UNC79: variants seen among roughly 807,000 people sequenced by gnomAD.
UNC79 encodes protein unc-79 homolog.
In UNC79, 37 loss-of-function variants were observed where a neutral mutation model predicts 283.1. That is an observed-to-expected ratio of 0.13 (90% CI 0.10 to 0.17). UNC79 has a LOEUF of 0.17. UNC79 is among the 10% of genes least tolerant of loss of function. UNC79 has a pLI of 1.00. For synonymous variants in UNC79, 1,107 were observed against 1,200.2 expected (o/e 0.92, Z 1.61); for missense variants, 2,272 against 3,211.1 (o/e 0.71, Z 7.07).
rs962729095 is a variant in UNC79, at chr14:93,505,311, A to G, written c.898+8025A>G. ...TCTATTCCTCTTTGTAGTTCTGTCA[A>G]TGTTTGTTTTATATATTTTCAGGCT... On this transcript the variant is annotated intron_variant, in intron 7 of 48. Coordinates refer to ENST00000555664, the Ensembl canonical transcript of UNC79. Among the ~76,000 whole-genome samples, 10 of 152,098 alleles carry G rather than the reference A, an allele frequency of 6.6e-5. No individual in the cohort carries two copies. The East Asian group carries it at 1.3e-3, about 21-fold the overall frequency.
At chr14:93,354,423 T>C (rs1270213284) in intron 1 of UNC79, among the ~76,000 whole-genome samples, 1 of 152,252 alleles carries the variant, frequency 6.6e-6, no homozygotes, top group Non-Finnish European at 1.5e-5. Flanking sequence ...TAGCTTGGGA[T>C]GCTCAAGTGG....
At chr14:93,408,733 A>G (rs969849174) in intron 1 of UNC79, among the ~76,000 whole-genome samples, 14 of 152,198 alleles carry the variant, frequency 9.2e-5, no homozygotes, top group African/African-American at 3.4e-4. Context: ...TACCATATCA[A>G]TACTGGTTCA....
At chr14:93,633,219 T>C (rs2068183102) in intron 31 of UNC79, among the ~76,000 whole-genome samples, 1 of 152,178 alleles carries the variant, frequency 6.6e-6, no homozygotes, top group Non-Finnish European at 1.5e-5. Context: ...CAGAGATGTT[T>C]AGTATTAGGT....
At position 93,697,828 on chromosome 14, in the gene UNC79, G is replaced by A. The variant is rs533824047; in HGVS notation, c.7548+3416G>A. The stretch of plus-strand genomic sequence containing the variant: ...AGTTCTAGCTACTTGGGAGGCTGAG[G>A]TAGAGCACAATGATTTGAGACTTTT... On this transcript the variant is annotated intron_variant, in intron 47 of 48. Transcript: ENST00000555664. Among the ~76,000 whole-genome samples the A allele has an allele frequency of 8.5e-5, 13 of 152,312 alleles. 1 individual carries two copies. Among genetic ancestry groups the A allele is most frequent in the Admixed American group, 5.9e-4 (9 of 15,306 alleles).
rs112121522 is a variant in UNC79 at position 93,673,204 on chromosome 14, T to G, written c.6637-147T>G. On this transcript the variant is annotated intron_variant, in intron 40 of 48. Transcript: ENST00000555664. ...CAAAAATGCCTTTTTTTTGTTCTAA[T>G]TTTATTTCTTGAGGACACTTCACTA... The G allele has an allele frequency of 3.5e-4, 229 of 646,956 alleles. No homozygotes were observed. In the African/African-American group the frequency reaches 4.0e-3, roughly 11 times the overall value. The allele number at this position is 646,956 out of a possible 1,614,324, so 40.1% of individuals were successfully genotyped here.
At chr14:93,657,242 G>T (rs1449694401) in intron 38 of UNC79, among the ~76,000 whole-genome samples, 1 of 152,146 alleles carries the variant, frequency 6.6e-6, no homozygotes, top group Non-Finnish European at 1.5e-5. Flanking sequence ...AGGAAACTGA[G>T]TGCACAAATT....
At chr14:93,522,436 G>A (rs1364604162) in intron 7 of UNC79, among the ~76,000 whole-genome samples, 1 of 152,058 alleles carries the variant, frequency 6.6e-6, no homozygotes, top group Non-Finnish European at 1.5e-5. Context: ...AAGGAATGCT[G>A]TAATGGATTA....
intron 1 of UNC79, among the ~76,000 whole-genome samples, chr14:93,337,408 A>T (rs1325350492): frequency 3.3e-5 from 5 of 152,200 alleles, no homozygotes; most frequent in African/African-American, 4.8e-5. Flanking sequence ...GAGTGAAAGG[A>T]GCTGTAACAC....
chr14:93,678,668 C>T (rs1276626487), intron 41 of UNC79, among the ~76,000 whole-genome samples: 1 of 152,254 alleles, frequency 6.6e-6, no homozygotes, highest in Non-Finnish European at 1.5e-5. Context: ...GGAGGCCTGG[C>T]ATCATGGGGA....
intron 1 of UNC79, among the ~76,000 whole-genome samples, chr14:93,399,679 C>G (rs900824310): frequency 6.6e-6 from 1 of 152,102 alleles, no homozygotes; most frequent in Non-Finnish European, 1.5e-5. Context: ...TTGATAGATA[C>G]AGAGATTTGG....
chr14:93,641,260 A>G lies in UNC79; in HGVS notation c.5903+13A>G. 1.9e-6 allele frequency: 3 copies of G among 1,606,248 alleles called. No homozygotes were observed. The East Asian group carries it at 6.7e-5, about 36-fold the overall frequency. ...TGATGACGGACAAGTAAGCTCGCAC[A>G]GTTATTTTCTTCACCATGTTTACAG... On this transcript the variant is annotated intron_variant, in intron 33 of 48. Coordinates refer to ENST00000555664, the Ensembl canonical transcript of UNC79.
intron 8 of UNC79, among the ~76,000 whole-genome samples, chr14:93,527,190 T>A (rs1257187027): frequency 6.6e-6 from 1 of 152,262 alleles, no homozygotes; most frequent in African/African-American, 2.4e-5. Flanking sequence ...GAAGCCCAGA[T>A]AATTATCTAA....
At chr14:93,370,381 C>G (rs767397635) in intron 1 of UNC79, among the ~76,000 whole-genome samples, 7 of 150,894 alleles carry the variant, frequency 4.6e-5, no homozygotes, top group Non-Finnish European at 1.0e-4. Flanking sequence ...AAAAAAAGTG[C>G]TAGGAATCAA....
intron 31 of UNC79, among the ~76,000 whole-genome samples, chr14:93,636,155 A>C (rs2068491476): frequency 6.6e-6 from 1 of 152,208 alleles, no homozygotes; most frequent in South Asian, 2.1e-4. Flanking sequence ...CCAAATTTTA[A>C]TCTAAGAAAA....
chr14:93,404,493 A>AAAAAAAAATATATATATATATATATATAT lies in UNC79; in HGVS notation c.-350-63177_-350-63176insAAAAAAATATATATATATATATATATATA. Among the ~76,000 whole-genome samples, 247 of 61,316 alleles carry AAAAAAAAATATATATATATATATATATAT rather than the reference A, an allele frequency of 4.0e-3. 2 individuals are homozygous for AAAAAAAAATATATATATATATATATATAT. Among genetic ancestry groups the AAAAAAAAATATATATATATATATATATAT allele is most frequent in the Middle Eastern group, 0.013 (1 of 80 alleles). 40.2% of individuals were successfully genotyped at this position (61,316 alleles called of 152,430 possible). A position where few individuals can be genotyped will look rare whatever the true frequency, so the allele number is the denominator to read the frequency against. On this transcript the variant is annotated intron_variant, in intron 1 of 49. Transcript: ENST00000256339. The stretch of plus-strand genomic sequence containing the variant: ...TGACAGAGTGAGACCTTCTAAAAAA[A>AAAAAAAAATATATATATATATATATATAT]ATATATATATATATATATATAAATA...
intron 1 of UNC79, among the ~76,000 whole-genome samples, chr14:93,351,236 G>C (rs1191453341): frequency 4.6e-5 from 7 of 152,132 alleles, no homozygotes. Flanking sequence ...TATATTCGTA[G>C]GTTTTTGATT....
chr14:93,407,223 C>T (rs1422485418), intron 1 of UNC79, among the ~76,000 whole-genome samples: 1 of 152,138 alleles, frequency 6.6e-6, no homozygotes, highest in African/African-American at 2.4e-5. Flanking sequence ...TTCTGAGGTT[C>T]TTGGTAGACA....
intron 39 of UNC79, among the ~76,000 whole-genome samples, chr14:93,662,308 G>A (rs1380093795): frequency 2.6e-5 from 4 of 152,170 alleles, no homozygotes; most frequent in African/African-American, 9.7e-5. Flanking sequence ...ACTCTTGATT[G>A]CTTAGGGTGG....
intron 14 of UNC79, among the ~76,000 whole-genome samples, chr14:93,556,222 A>G (rs1440867740): frequency 1.3e-5 from 2 of 152,162 alleles, no homozygotes; most frequent in African/African-American, 4.8e-5. Flanking sequence ...TAATCAGCCC[A>G]TCCCCCATTT....
Sources: gnomAD v4.1 joint callset for allele counts (sites outside exome capture counted in the v4.1 genomes callset) on GRCh38, gnomAD v4.1.1 for gene constraint, MANE v1.5 for transcripts, NCBI Gene and HGNC (gene_info 2026-07-23, HGNC 2026-07-21) for gene names.